PEBP4: variants seen among roughly 807,000 people sequenced by gnomAD.
The protein encoded by PEBP4 is phosphatidylethanolamine binding protein 4.
Under a neutral mutation model 23.9 loss-of-function variants are expected in PEBP4, and 22 were observed. The observed-to-expected ratio is 0.92, with a 90% CI of 0.66 to 1.31. The LOEUF (loss-of-function observed/expected upper bound fraction) is 1.31. PEBP4 is among the 40% of genes most tolerant of loss of function. PEBP4 has a pLI of 0.00. For synonymous variants in PEBP4, 112 were observed against 99.3 expected, an observed-to-expected ratio of 1.13 and a Z score of -0.76; for missense variants, 324 against 281.7, an observed-to-expected ratio of 1.15 and a Z score of -1.07.
intron 4 of PEBP4, among the ~76,000 whole-genome samples, chr8:22,734,081 C>CA (rs1458991410): frequency 2.0e-5 from 3 of 152,224 alleles, no homozygotes; most frequent in African/African-American, 7.2e-5. Context: ...TGCAGGCTGC[C>CA]AAGTGGCAAA....
chr8:22,920,290 G>T lies in PEBP4; in HGVS notation c.152C>A (p.Pro51Gln). 2 of 1,613,344 alleles carry T rather than the reference G, an allele frequency of 1.2e-6. No homozygotes were observed. The highest frequency in any genetic ancestry group is 1.7e-6 in the Non-Finnish European group (2 of 1,179,392). Reference sequence around the variant, plus strand: ...CTTGCAGCCAATGTTCCCCAACTCTGGGTAGAAAACTTCAAGGCCCCTATG... The same window carrying T: ...CTTGCAGCCAATGTTCCCCAACTCTTGGTAGAAAACTTCAAGGCCCCTATG... ...LFCQGLEVFY[P>Q]ELGNIGCKVV... Residue 51 changes from proline to glutamine, a missense_variant, in exon 3 of 7, where the codon CCA (proline) becomes CAA (glutamine). Pro to Gln is a moderately conservative substitution (Grantham distance 76). Coordinates refer to ENST00000256404, the MANE Select transcript of PEBP4 (RefSeq NM_144962.3).
intron 3 of PEBP4, among the ~76,000 whole-genome samples, chr8:22,852,034 G>T (rs1807562413): frequency 6.6e-6 from 1 of 152,110 alleles, no homozygotes; most frequent in Non-Finnish European, 1.5e-5. Flanking sequence ...CAGCAGCCAA[G>T]GATTACACAG....
chr8:22,888,361 C>T (rs1808426253), intron 3 of PEBP4, among the ~76,000 whole-genome samples: 1 of 152,144 alleles, frequency 6.6e-6, no homozygotes, highest in Non-Finnish European at 1.5e-5. Context: ...AGCATGTTTG[C>T]CAGGCTGGTC....
intron 3 of PEBP4, among the ~76,000 whole-genome samples, chr8:22,911,928 C>T (rs1264909925): frequency 6.6e-6 from 1 of 152,204 alleles, no homozygotes; most frequent in East Asian, 1.9e-4. Context: ...TTCCCCAGCA[C>T]TTGGCTGGGA....
chr8:22,924,113 G>A (rs370388326), intron 2 of PEBP4, among the ~76,000 whole-genome samples: 25 of 152,066 alleles, frequency 1.6e-4, no homozygotes, highest in African/African-American at 6.0e-4. Flanking sequence ...CTGTAATACC[G>A]GCACTTTGGG....
chr8:22,757,268 T>G (rs145162303), intron 4 of PEBP4: 286 of 152,400 alleles, frequency 1.9e-3, no homozygotes, highest in African/African-American at 6.5e-3. Flanking sequence ...AGCTGGGGTT[T>G]GTACTCACAC....
chr8:22,922,650 C>A (rs1809233847), intron 2 of PEBP4, among the ~76,000 whole-genome samples: 1 of 151,824 alleles, frequency 6.6e-6, no homozygotes, highest in African/African-American at 2.4e-5. Context: ...CACTTGAGCC[C>A]AGGAGGTAGA....
At chr8:22,713,807 C>T (rs1355444144) in intron 6 of PEBP4, among the ~76,000 whole-genome samples, 1 of 152,132 alleles carries the variant, frequency 6.6e-6, no homozygotes, top group Non-Finnish European at 1.5e-5. Flanking sequence ...TCTGAATCTC[C>T]TTCCCCAGCA....
intron 3 of PEBP4, among the ~76,000 whole-genome samples, chr8:22,840,875 G>A (rs1397601557): frequency 6.6e-6 from 1 of 152,138 alleles, no homozygotes. Flanking sequence ...CTGAGTGCAT[G>A]AACAAAATAC....
At chr8:22,910,652 G>C (rs1808918623) in intron 3 of PEBP4, among the ~76,000 whole-genome samples, 1 of 152,244 alleles carries the variant, frequency 6.6e-6, no homozygotes, top group African/African-American at 2.4e-5. Context: ...AGTGAAGAAG[G>C]TGCTGGAACG....
At chr8:22,736,109 C>T (rs1302712655) in intron 4 of PEBP4, among the ~76,000 whole-genome samples, 1 of 152,096 alleles carries the variant, frequency 6.6e-6, no homozygotes, top group Non-Finnish European at 1.5e-5. Context: ...GGAACTCCTG[C>T]TTGGCGAAAC....
intron 1 of PEBP4, among the ~76,000 whole-genome samples, chr8:22,934,739 A>G (rs1809511317): frequency 6.6e-6 from 1 of 152,222 alleles, no homozygotes; most frequent in African/African-American, 2.4e-5. Context: ...CAAAATGGCA[A>G]AATAAGTCAT....
At chr8:22,885,053 G>C (rs1808345280) in intron 3 of PEBP4, 1 of 152,170 alleles carries the variant, frequency 6.6e-6, no homozygotes, top group Admixed American at 6.5e-5. Flanking sequence ...GACACTTGTT[G>C]GCAGTAAGAA....
At chr8:22,928,035 A>G (rs1447466997), upstream of PEBP4, 1 of 313,436 alleles carries the variant, frequency 3.2e-6, no homozygotes, top group East Asian at 1.0e-4. Flanking sequence ...GCAAAGTAGA[A>G]GTGCTTATAT....
At chr8:22,908,093 T>C (rs1429334902) in intron 3 of PEBP4, among the ~76,000 whole-genome samples, 1 of 151,028 alleles carries the variant, frequency 6.6e-6, no homozygotes, top group Non-Finnish European at 1.5e-5. Context: ...TTGACCAAGA[T>C]GGGGCAAGAC....
chr8:22,766,699 G>A (rs1453308085), intron 4 of PEBP4, among the ~76,000 whole-genome samples: 1 of 152,190 alleles, frequency 6.6e-6, no homozygotes, highest in Non-Finnish European at 1.5e-5. Context: ...CGGCGGTTGG[G>A]GGAATGGAAT....
At chr8:22,870,164 C>T (rs987376120) in intron 3 of PEBP4, among the ~76,000 whole-genome samples, 1 of 152,202 alleles carries the variant, frequency 6.6e-6, no homozygotes, top group Non-Finnish European at 1.5e-5. Context: ...GATGTTTATT[C>T]ATAATTGCTA....
At chr8:22,713,660 G>A in intron 6 of PEBP4, 124 bp from the exon 7 acceptor site, 1 of 1,359,100 alleles carries the variant, frequency 7.4e-7, no homozygotes, top group Non-Finnish European at 1.0e-6. Context: ...ATGGCCATGG[G>A]GCGTAGTGGC....
chr8:22,802,148 G>A (rs951523015), intron 4 of PEBP4, among the ~76,000 whole-genome samples: 9 of 152,094 alleles, frequency 5.9e-5, no homozygotes, highest in Non-Finnish European at 1.0e-4. Context: ...GTCTCTCTGC[G>A]AAGCAACAGA....
Sources: gnomAD v4.1 joint callset for allele counts (sites outside exome capture counted in the v4.1 genomes callset) on GRCh38, gnomAD v4.1.1 for gene constraint, MANE v1.5 for transcripts, NCBI Gene and HGNC (gene_info 2026-07-23, HGNC 2026-07-21) for gene names.